Variants in ARHGAP24 observed in about 807,000 individuals in gnomAD.
ARHGAP24 encodes rho GTPase-activating protein 24.
ARHGAP24 carries 50 observed loss-of-function variants against 76.4 expected under a neutral mutation model. That is an observed-to-expected ratio of 0.65 (90% CI 0.52 to 0.83). ARHGAP24 has a LOEUF of 0.83. ARHGAP24 is among the 40% of genes least tolerant of loss of function. The probability of loss-of-function intolerance (pLI) is 0.00; values close to 1 mark genes in which losing one functional copy is unlikely to be tolerated. For missense variants in ARHGAP24, 930 were observed against 914.2 expected (o/e 1.02, Z -0.22); for synonymous variants, 345 against 323.3 (o/e 1.07, Z -0.72).
chr4:85,756,137 A>G (rs1265433734), intron 3 of ARHGAP24, among the ~76,000 whole-genome samples: 1 of 152,194 alleles, frequency 6.6e-6, no homozygotes, highest in Non-Finnish European at 1.5e-5. Context: ...TACGTTGAGG[A>G]TACATATCTT....
intron 2 of ARHGAP24, among the ~76,000 whole-genome samples, chr4:85,658,233 C>A (rs1344563778): frequency 9.9e-5 from 15 of 152,200 alleles, no homozygotes; most frequent in African/African-American, 3.1e-4. Flanking sequence ...ACATTTGGGA[C>A]CCTGGGATCT....
chr4:85,826,756 T>TTA (rs1729730192), intron 3 of ARHGAP24, among the ~76,000 whole-genome samples: 1 of 152,162 alleles, frequency 6.6e-6, no homozygotes, highest in African/African-American at 2.4e-5. Context: ...AATCTCTGTT[T>TTA]TATAGATTAC....
chr4:85,521,175 G>T (rs545641191), intron 1 of ARHGAP24, among the ~76,000 whole-genome samples: 83 of 152,110 alleles, frequency 5.5e-4, no homozygotes, highest in Middle Eastern at 6.8e-3. Flanking sequence ...TTTACTAATG[G>T]CCCCAATACA....
At chr4:85,933,135 G>A (rs530145326) in intron 4 of ARHGAP24, among the ~76,000 whole-genome samples, 3 of 152,114 alleles carry the variant, frequency 2.0e-5, no homozygotes, top group Admixed American at 6.5e-5. Context: ...GGGTTTCTGC[G>A]TTCCTCTCCC....
Position 85,737,711 on chromosome 4 carries a change from AG to A in ARHGAP24, c.268+15741del, listed in dbSNP as rs138309044. 3.0e-3 allele frequency among the ~76,000 whole-genome samples: 459 copies of A among 152,238 alleles called. 2 individuals carry two copies. The highest frequency in any genetic ancestry group is 0.011 in the African/African-American group (445 of 41,530). On this transcript the variant is annotated intron_variant, in intron 3 of 9. Coordinates refer to ENST00000395184, the MANE Select transcript of ARHGAP24 (RefSeq NM_001025616.3). ...CATTTGCAAATTCACTCTTTCTTTC[AG>A]GTCACTTATTTGAAAATATGAAAAG...
At chr4:85,871,673 G>A (rs148934989) in intron 3 of ARHGAP24, among the ~76,000 whole-genome samples, 51 of 152,242 alleles carry the variant, frequency 3.3e-4, no homozygotes, top group South Asian at 1.0e-3. Flanking sequence ...AATAGACTGT[G>A]GCCTAAATGT....
rs114313150 is a variant in ARHGAP24 at position 85,644,835 on chromosome 4, T to C, written c.180+74114T>C. Reference sequence around the variant, plus strand: ...TCATTTTAATTATATGACAATTATATATAGATGTTGCAAGATCTGGTAAAA... The same window carrying C: ...TCATTTTAATTATATGACAATTATACATAGATGTTGCAAGATCTGGTAAAA... On this transcript the variant is annotated intron_variant, in intron 2 of 9. Coordinates refer to ENST00000395184, the MANE Select transcript of ARHGAP24 (RefSeq NM_001025616.3). Among the ~76,000 whole-genome samples, 640 of 152,258 alleles carry C rather than the reference T, an allele frequency of 4.2e-3. 3 individuals carry two copies. The highest frequency in any genetic ancestry group is 6.3e-3 in the Non-Finnish European group (426 of 67,972).
chr4:85,934,063 T>C (rs1309983499), intron 4 of ARHGAP24, among the ~76,000 whole-genome samples: 1 of 152,216 alleles, frequency 6.6e-6, no homozygotes, highest in Non-Finnish European at 1.5e-5. Context: ...CAAGACAGCA[T>C]TCATCCTCAC....
chr4:85,640,514 A>G (rs993666708), intron 2 of ARHGAP24, among the ~76,000 whole-genome samples: 1 of 152,168 alleles, frequency 6.6e-6, no homozygotes, highest in African/African-American at 2.4e-5. Flanking sequence ...ATTTTAAAAC[A>G]TCCTACCTTA....
At chr4:85,913,422 A>G (rs1339209134) in intron 3 of ARHGAP24, among the ~76,000 whole-genome samples, 1 of 151,812 alleles carries the variant, frequency 6.6e-6, no homozygotes, top group Admixed American at 6.6e-5. Flanking sequence ...TGACTTGTCA[A>G]CAGCATTTGA....
intron 3 of ARHGAP24, among the ~76,000 whole-genome samples, chr4:85,842,530 A>G (rs1048447554): frequency 6.6e-6 from 1 of 152,232 alleles, no homozygotes; most frequent in Non-Finnish European, 1.5e-5. Flanking sequence ...AAACATTACA[A>G]AAGTGCCACT....
chr4:85,977,092 T>C (rs929254598), intron 7 of ARHGAP24, among the ~76,000 whole-genome samples: 3 of 152,124 alleles, frequency 2.0e-5, no homozygotes, highest in African/African-American at 7.2e-5. Context: ...CCGGCCTGTA[T>C]TTTATCTATC....
intron 4 of ARHGAP24, among the ~76,000 whole-genome samples, chr4:85,934,703 T>G (rs949451322): frequency 1.3e-5 from 2 of 151,966 alleles, no homozygotes; most frequent in African/African-American, 4.8e-5. Flanking sequence ...TTAGTAGAGA[T>G]GGGGTTTCAT....
At chr4:85,488,653 GC>G (rs1356423615) in intron 1 of ARHGAP24, among the ~76,000 whole-genome samples, 3 of 152,150 alleles carry the variant, frequency 2.0e-5, no homozygotes, top group Non-Finnish European at 4.4e-5. Context: ...TTTCTCAGGA[GC>G]CTTTCTCACC....
At chr4:85,861,478 G>A (rs1042382414) in intron 3 of ARHGAP24, among the ~76,000 whole-genome samples, 5 of 152,002 alleles carry the variant, frequency 3.3e-5, no homozygotes, top group African/African-American at 1.2e-4. Flanking sequence ...TTGCCCTAAT[G>A]TCCTCCACTA....
At chr4:85,671,098 A>G (rs1340555926) in intron 2 of ARHGAP24, among the ~76,000 whole-genome samples, 1 of 152,168 alleles carries the variant, frequency 6.6e-6, no homozygotes, top group Non-Finnish European at 1.5e-5. Flanking sequence ...CCTTTCTTGA[A>G]TATTCTTAGA....
At chr4:85,930,896 A>G (rs1463272239) in intron 4 of ARHGAP24, 1 of 1,613,070 alleles carries the variant, frequency 6.2e-7, no homozygotes, top group African/African-American at 1.3e-5. Flanking sequence ...TTTTAAAGGA[A>G]GCCAAAACCG....
intron 1 of ARHGAP24, among the ~76,000 whole-genome samples, chr4:85,526,603 G>A (rs1294733376): frequency 6.6e-6 from 1 of 151,832 alleles, no homozygotes; most frequent in Non-Finnish European, 1.5e-5. Flanking sequence ...TCATGGGATC[G>A]TTTTCCCTAC....
At chr4:85,682,481 C>T (rs1406695380) in intron 2 of ARHGAP24, among the ~76,000 whole-genome samples, 2 of 152,212 alleles carry the variant, frequency 1.3e-5, no homozygotes, top group African/African-American at 4.8e-5. Context: ...GCCATCCTGA[C>T]TCTTCCAGCT....
Sources: allele counts gnomAD v4.1 joint callset (sites outside exome capture counted in the v4.1 genomes callset), GRCh38; gene constraint gnomAD v4.1.1; transcripts MANE v1.5; gene names NCBI Gene and HGNC (gene_info 2026-07-23, HGNC 2026-07-21).